XXYLT1: variants seen among roughly 807,000 people sequenced by gnomAD.
XXYLT1 encodes UDP-xylose:alpha-xyloside alpha-1,3-xylosyltransferase.
In XXYLT1, 20 loss-of-function variants were observed where a neutral mutation model predicts 28.9. The ratio of observed to expected loss-of-function variants is 0.69; its 90% confidence interval spans 0.49 to 1.00. The LOEUF (loss-of-function observed/expected upper bound fraction) is 1.00. Among genes scored for constraint, XXYLT1 ranks in the 50% least tolerant of loss-of-function variants. The pLI, the probability that XXYLT1 is intolerant of heterozygous loss-of-function variation, is 0.00. For missense variants in XXYLT1, 542 were observed against 560.1 expected (o/e 0.97, Z 0.33); for synonymous variants, 257 against 253.8 (o/e 1.01, Z -0.12).
chr3:195,098,500 C>T (rs1350556314), intron 3 of XXYLT1, among the ~76,000 whole-genome samples: 13 of 152,158 alleles, frequency 8.5e-5, no homozygotes, highest in African/African-American at 2.7e-4. Flanking sequence ...TTGCAGTGAG[C>T]GGAGATCGTG....
chr3:195,216,585 A>G lies in XXYLT1; in HGVS notation c.652+10124T>C, dbSNP rs537300368. On this transcript the variant is annotated intron_variant, in intron 2 of 3. Transcript: ENST00000310380. ...AGAAGAAATGGATAAATTCCTCGAC[A>G]CATACACTCTCCCAAGACTAAACCA... 3.0e-3 allele frequency among the ~76,000 whole-genome samples: 445 copies of G among 149,042 alleles called. 1 individual carries two copies. Among genetic ancestry groups the G allele is most frequent in the South Asian group, 8.8e-3 (41 of 4,642 alleles).
Position 195,133,999 on chromosome 3 carries a change from C to T in XXYLT1, c.785+22450G>A, listed in dbSNP as rs1310856428. Among the ~76,000 whole-genome samples the T allele has an allele frequency of 6.6e-6, 1 of 152,102 alleles. No individual in the cohort carries two copies. Among genetic ancestry groups the T allele is most frequent in the Non-Finnish European group, 1.5e-5 (1 of 68,024 alleles). ...GGCTGAGGCAGGAGGGTCGCCTGAG[C>T]CCAGGAGTTTGAGACCAACCTCGGC... On this transcript the variant is annotated intron_variant, in intron 3 of 3. Transcript: ENST00000310380. The surrounding 1 kb of genome is among the most constrained non-coding windows in gnomAD (Gnocchi z 4.4).
chr3:195,251,327 C>T (rs554776927), intron 1 of XXYLT1, among the ~76,000 whole-genome samples: 8 of 152,356 alleles, frequency 5.3e-5, no homozygotes, highest in African/African-American at 1.9e-4. Context: ...CATGTGACCC[C>T]ATGTGTTTCT....
chr3:195,085,144 G>A (rs763368576), intron 3 of XXYLT1, among the ~76,000 whole-genome samples: 1 of 152,240 alleles, frequency 6.6e-6, no homozygotes, highest in Non-Finnish European at 1.5e-5. Context: ...AGTAGGAAAA[G>A]AAATGATTGC....
intron 3 of XXYLT1, among the ~76,000 whole-genome samples, chr3:195,108,395 A>G (rs1717265695): frequency 6.6e-6 from 1 of 152,264 alleles, no homozygotes; most frequent in African/African-American, 2.4e-5. Context: ...ACTTAGTAGC[A>G]TCTTCCTAGT....
chr3:195,226,434 G>A (rs751143532), intron 2 of XXYLT1, among the ~76,000 whole-genome samples: 4 of 152,174 alleles, frequency 2.6e-5, no homozygotes, highest in Non-Finnish European at 5.9e-5. Context: ...GGGGAAAGAA[G>A]GGGGCGAGTG....
Position 195,195,971 on chromosome 3 carries a change from C to T in XXYLT1, c.652+30738G>A, listed in dbSNP as rs910160123. 6.6e-6 allele frequency among the ~76,000 whole-genome samples: 1 copy of T among 152,194 alleles called. No individual in the cohort carries two copies. Among genetic ancestry groups the T allele is most frequent in the Non-Finnish European group, 1.5e-5 (1 of 68,036 alleles). Reference sequence around the variant, plus strand: ...CACTGCCATTCCCTCCAGGCTAGCCCGAGGCTGCAGCCTGCTTGCCCAGGT... The same window carrying T: ...CACTGCCATTCCCTCCAGGCTAGCCTGAGGCTGCAGCCTGCTTGCCCAGGT... On this transcript the variant is annotated intron_variant, in intron 2 of 3. Coordinates refer to ENST00000310380, the MANE Select transcript of XXYLT1 (RefSeq NM_152531.5). This position sits in a 1 kb window ranked among gnomAD's most constrained non-coding sequence, Gnocchi z 4.4.
Position 195,127,764 on chromosome 3 carries a change from G to C in XXYLT1, c.785+28685C>G, listed in dbSNP as rs184581707. Reference sequence around the variant, plus strand: ...TGCTCTCCACCTTGGGTGACAGAGTGAGACAAAATGTGTGTGTGTGTGTAA... The same window carrying C: ...TGCTCTCCACCTTGGGTGACAGAGTCAGACAAAATGTGTGTGTGTGTGTAA... On this transcript the variant is annotated intron_variant, in intron 3 of 3. Coordinates refer to ENST00000310380, the MANE Select transcript of XXYLT1 (RefSeq NM_152531.5). Among the ~76,000 whole-genome samples, 466 of 149,834 alleles carry C rather than the reference G, an allele frequency of 3.1e-3. 1 individual carries two copies. The highest frequency in any genetic ancestry group is 0.011 in the African/African-American group (452 of 41,072).
chr3:195,268,238 T>C (rs1725902350), intron 1 of XXYLT1, among the ~76,000 whole-genome samples: 1 of 151,950 alleles, frequency 6.6e-6, no homozygotes, highest in Admixed American at 6.6e-5. Context: ...GAGACCAGCC[T>C]GGCCAACATG....
chr3:195,088,047 C>A (rs1332893438), intron 3 of XXYLT1, among the ~76,000 whole-genome samples: 1 of 152,086 alleles, frequency 6.6e-6, no homozygotes, highest in Non-Finnish European at 1.5e-5. Flanking sequence ...CCCACGGAGT[C>A]TCGCTGATTG....
At chr3:195,251,718 C>A (rs566731257) in intron 1 of XXYLT1, among the ~76,000 whole-genome samples, 223 of 152,314 alleles carry the variant, frequency 1.5e-3, no homozygotes, top group African/African-American at 5.1e-3. Flanking sequence ...GCCTCTACTA[C>A]CTCCTGCCTC....
At chr3:195,187,253 A>AT (rs1722241345) in intron 2 of XXYLT1, among the ~76,000 whole-genome samples, 1 of 148,824 alleles carries the variant, frequency 6.7e-6, no homozygotes, top group Non-Finnish European at 1.5e-5. Context: ...AAAAAAAAAA[A>AT]GATAGAGACG....
intron 3 of XXYLT1, among the ~76,000 whole-genome samples, chr3:195,071,875 G>T (rs1299293441): frequency 6.6e-6 from 1 of 152,170 alleles, no homozygotes; most frequent in African/African-American, 2.4e-5. Context: ...CCCTTCGAGG[G>T]GTGGGAACGA....
chr3:195,133,012 C>T lies in XXYLT1; in HGVS notation c.785+23437G>A, dbSNP rs930057496. ...AGTAACTACATTCTGTAAACTGAAT[C>T]GTCCTGCTGAGTTCTAGTGAAACAA... On this transcript the variant is annotated intron_variant, in intron 3 of 3. Transcript: ENST00000310380. The surrounding 1 kb of genome is among the most constrained non-coding windows in gnomAD (Gnocchi z 4.4). Among the ~76,000 whole-genome samples the T allele has an allele frequency of 2.1e-4, 32 of 152,184 alleles. No individual in the cohort carries two copies. The highest frequency in any genetic ancestry group is 7.2e-4 in the African/African-American group (30 of 41,440).
At chr3:195,146,356 C>G (rs770705351) in intron 3 of XXYLT1, among the ~76,000 whole-genome samples, 7 of 152,298 alleles carry the variant, frequency 4.6e-5, no homozygotes, top group African/African-American at 1.7e-4. Flanking sequence ...TCTTTCAATG[C>G]GATGATGTTT....
At chr3:195,121,651 A>T (rs904972051) in intron 3 of XXYLT1, among the ~76,000 whole-genome samples, 1 of 152,212 alleles carries the variant, frequency 6.6e-6, no homozygotes, top group Non-Finnish European at 1.5e-5. Context: ...GTTTGGAGCT[A>T]GCAGACATGC....
At chr3:195,222,115 G>A (rs141761743) in intron 2 of XXYLT1, among the ~76,000 whole-genome samples, 15 of 152,336 alleles carry the variant, frequency 9.8e-5, no homozygotes, top group Non-Finnish European at 1.9e-4. Flanking sequence ...GTGGGGCTGC[G>A]ACATGGGGCC....
In XXYLT1 at chr3:195,141,766, A is replaced by G. The variant is rs76989227; in HGVS notation, c.785+14683T>C. On this transcript the variant is annotated intron_variant, in intron 3 of 3. Coordinates refer to ENST00000310380, the MANE Select transcript of XXYLT1 (RefSeq NM_152531.5). ...TCCACTGTGTGGGTCATCTCTCCCA[A>G]TGGCCACCTGTGTAAAGGTACCCCT... Among the ~76,000 whole-genome samples, 520 of 152,264 alleles carry G rather than the reference A, an allele frequency of 3.4e-3. 5 individuals are homozygous for G. Among genetic ancestry groups the G allele is most frequent in the African/African-American group, 9.5e-3 (394 of 41,534 alleles).
chr3:195,232,770 T>A (rs938114918), intron 1 of XXYLT1, among the ~76,000 whole-genome samples: 1 of 152,236 alleles, frequency 6.6e-6, no homozygotes, highest in Admixed American at 6.5e-5. Context: ...TTTTTTGGAA[T>A]GTTTTAAGAT....
Sources: allele counts gnomAD v4.1 joint callset (sites outside exome capture counted in the v4.1 genomes callset), GRCh38; gene constraint gnomAD v4.1.1; non-coding constraint Gnocchi (gnomAD v3.1); transcripts MANE v1.5; gene names NCBI Gene and HGNC (gene_info 2026-07-23, HGNC 2026-07-21).